The following UTP20 variants were observed in gnomAD, a reference collection of about 807,000 sequenced individuals.
UTP20 encodes UTP20 small subunit processome component, also known as small subunit processome component 20 homolog.
A neutral mutation model predicts 329.5 loss-of-function variants in UTP20; 164 were observed. The ratio of observed to expected loss-of-function variants is 0.50; its 90% CI spans 0.44 to 0.57. UTP20 has a LOEUF of 0.57. Among genes scored for constraint, UTP20 ranks in the 20% least tolerant of loss-of-function variants. UTP20 has a pLI of 0.00. For synonymous variants in UTP20, 1,151 were observed against 1,159.3 expected (o/e 0.99, Z 0.14); for missense variants, 3,055 against 3,284.2 (o/e 0.93, Z 1.71).
At chr12:101,380,886 AT>A (rs1221219575) in intron 57 of UTP20, among the ~76,000 whole-genome samples, 44 of 145,010 alleles carry the variant, frequency 3.0e-4, no homozygotes, top group African/African-American at 9.7e-4. Flanking sequence ...AAAAAAAAAA[AT>A]GTAGAGTATT....
At position 101,370,573 on chromosome 12, in the gene UTP20, C is replaced by T. The variant is rs546648088; in HGVS notation, c.6687+10C>T. Reference sequence around the variant, plus strand: ...CTTTGGTCTTCTGAAGGTATGCTGTCGCCAGAATGTTGACTGTTACGGTTT... The same window carrying T: ...CTTTGGTCTTCTGAAGGTATGCTGTTGCCAGAATGTTGACTGTTACGGTTT... On this transcript the variant is annotated intron_variant, in intron 50 of 61. Coordinates refer to ENST00000261637, the MANE Select transcript of UTP20 (RefSeq NM_014503.3). 1.8e-5 allele frequency: 29 copies of T among 1,609,042 alleles called. No individual in the cohort carries two copies. The Middle Eastern group carries it at 5.0e-4, about 28-fold the overall frequency.
chr12:101,370,939 T>A, intron 50 of UTP20, 119 bp from the exon 51 acceptor site: 1 of 817,618 alleles, frequency 1.2e-6, no homozygotes, highest in Non-Finnish European at 1.9e-6. Context: ...ATCCTTTTTC[T>A]TTTGAAGATA....
intron 12 of UTP20, among the ~76,000 whole-genome samples, 172 bp from the exon 13 acceptor site, chr12:101,299,510 A>C (rs1872458367): frequency 6.6e-6 from 1 of 152,200 alleles, no homozygotes; most frequent in African/African-American, 2.4e-5. Context: ...GAGTTGAAAA[A>C]GCTTCTCACT....
At chr12:101,358,495 C>G (rs895423226) in intron 43 of UTP20, among the ~76,000 whole-genome samples, 1 of 152,212 alleles carries the variant, frequency 6.6e-6, no homozygotes, top group Non-Finnish European at 1.5e-5. Flanking sequence ...TTCCACACTT[C>G]TTTCTAATAT....
At chr12:101,354,030 G>A (rs1209970523) in intron 40 of UTP20, among the ~76,000 whole-genome samples, 2 of 152,044 alleles carry the variant, frequency 1.3e-5, no homozygotes, top group African/African-American at 2.4e-5. Flanking sequence ...GGAGGCCTAC[G>A]CAGGTGGATC....
At chr12:101,282,041 G>A (rs919862357) in intron 2 of UTP20, among the ~76,000 whole-genome samples, 1 of 152,144 alleles carries the variant, frequency 6.6e-6, no homozygotes, top group African/African-American at 2.4e-5. Flanking sequence ...TCTGCATCAT[G>A]TCGTTATTCC....
rs1870372670 is a variant in UTP20 at position 101,373,624 on chromosome 12, C to T, written c.6988C>T (p.Leu2330Phe). Reference protein sequence around the residue: ...HENCGMFFIPLCLMTINDDSA... With the variant: ...HENCGMFFIPFCLMTINDDSA... ...GAACTGCGGAATGTTCTTTATCCCTCTTTGTCTAATGACGATCAATGATGA... is the reference window on the plus strand; with the variant it reads ...GAACTGCGGAATGTTCTTTATCCCTTTTTGTCTAATGACGATCAATGATGA... The change falls in exon 54 of 62, where the codon CTT becomes TTT. Residue 2330 changes from leucine to phenylalanine, a missense_variant. Coordinates refer to ENST00000261637, the MANE Select transcript of UTP20 (RefSeq NM_014503.3). 1 of 1,612,740 alleles carries T rather than the reference C, an allele frequency of 6.2e-7. No homozygotes were observed. Among genetic ancestry groups the T allele is most frequent in the African/African-American group, 1.3e-5 (1 of 74,848 alleles).
chr12:101,306,117 T>C lies in UTP20; in HGVS notation c.1932+52T>C, dbSNP rs775661886. On this transcript the variant is annotated intron_variant, in intron 16 of 61. Transcript: ENST00000261637. ...CTCAGTCTCTCTTCTCCTGTTTCTA[T>C]ATGGACTGCAGTGGTTTTCAGAGCA... 1.4e-5 allele frequency: 22 copies of C among 1,531,386 alleles called. No individual in the cohort carries two copies. In the South Asian group the frequency reaches 2.8e-4, roughly 20 times the overall value. 94.9% of individuals were successfully genotyped at this position (1,531,386 alleles called of 1,614,324 possible).
At chr12:101,282,265 A>T (rs891661326) in intron 2 of UTP20, among the ~76,000 whole-genome samples, 6 of 151,040 alleles carry the variant, frequency 4.0e-5, no homozygotes, top group Non-Finnish European at 8.8e-5. Context: ...TACATTCTTT[A>T]GGGGTGTCAA....
Position 101,344,743 on chromosome 12 carries a change from A to T in UTP20, c.4598A>T (p.Gln1533Leu). 6.2e-7 allele frequency: 1 copy of T among 1,613,666 alleles called. No individual in the cohort carries two copies. Among genetic ancestry groups the T allele is most frequent in the Non-Finnish European group, 8.5e-7 (1 of 1,179,778 alleles). The change falls in exon 36 of 62, where the codon CAG becomes CTG. Residue 1533 changes from glutamine (Q) to leucine (L), a missense_variant. Coordinates refer to ENST00000261637, the MANE Select transcript of UTP20 (RefSeq NM_014503.3). Reference sequence around the variant, plus strand: ...AAATTGAGAAAAGGTCTGAAGAGCCAGACAGAGGTATATAACTTTGTGTTT... The same window carrying T: ...AAATTGAGAAAAGGTCTGAAGAGCCTGACAGAGGTATATAACTTTGTGTTT... Reference protein sequence around the residue: ...LEKLRKGLKSQTESIQQDYTT... With the variant: ...LEKLRKGLKSLTESIQQDYTT...
At position 101,370,439 on chromosome 12, in the gene UTP20, C is replaced by A; in HGVS notation, c.6563C>A (p.Thr2188Asn). 1 of 1,613,212 alleles carries A rather than the reference C, an allele frequency of 6.2e-7. No homozygotes were observed. The highest frequency in any genetic ancestry group is 8.5e-7 in the Non-Finnish European group (1 of 1,179,624). The change falls in exon 50 of 62, where the codon ACC becomes AAC. Residue 2188 changes from threonine to asparagine, a missense_variant. Thr to Asn is a moderately conservative substitution (Grantham distance 65). Transcript: ENST00000261637. The part of the protein sequence containing the change: ...HLVVNCFKCV[T>N]ILVKKVKSYQ... ...CACTATTGTAACTTGCAGTGTGTGA[C>A]CATACTTGTCAAGAAAGTCAAGTCT...
rs754082710 is a variant in UTP20 at position 101,289,011 on chromosome 12, T to C, written c.567T>C (p.Ala189=). The part of the protein sequence containing the change: ...AHKKLHIRNF[A]AESFTFLMRK... ...AAAAACTACATATAAGAAATTTTGC[T>C]GCTGAAAGTTTTACTTTTTTGATGA... Residue 189 remains alanine (A), a synonymous_variant, in exon 6 of 62, where the codon GCT becomes GCC. Transcript: ENST00000261637. The C allele has an allele frequency of 6.2e-7, 1 of 1,613,960 alleles. No homozygotes were observed. Among genetic ancestry groups the C allele is most frequent in the Non-Finnish European group, 8.5e-7 (1 of 1,179,900 alleles).
In UTP20 at chr12:101,344,598, G is replaced by C; in HGVS notation, c.4453G>C (p.Gly1485Arg). Residue 1485 changes from glycine to arginine, a missense_variant, in exon 36 of 62, where the codon GGA becomes CGA. Gly to Arg is a moderately radical substitution (Grantham distance 125). Transcript: ENST00000261637. ...MHNCFYNLEL[G>R]DMSLSDNASM... ...TTTTTATTTCTCTTTTTTGCAGTTA[G>C]GAGATATGAGTTTAAGTGATAATGC... 1.1e-6 allele frequency: 1 copy of C among 949,320 alleles called. No individual in the cohort carries two copies. Among genetic ancestry groups the C allele is most frequent in the South Asian group, 1.3e-5 (1 of 77,708 alleles). 58.8% of individuals were successfully genotyped at this position (949,320 alleles called of 1,614,324 possible). A position where few individuals can be genotyped will look rare whatever the true frequency, so the allele number is the denominator to read the frequency against.
At chr12:101,346,903 A>C (rs756354208) in intron 38 of UTP20, among the ~76,000 whole-genome samples, 24 of 152,204 alleles carry the variant, frequency 1.6e-4, no homozygotes, top group Non-Finnish European at 3.2e-4. Flanking sequence ...TAACTCCCCT[A>C]GTCAGCAGTC....
intron 32 of UTP20, among the ~76,000 whole-genome samples, chr12:101,341,315 A>G (rs1176673671): frequency 2.1e-5 from 2 of 93,330 alleles, no homozygotes; most frequent in African/African-American, 8.1e-5. Context: ...CAGTGGCAAA[A>G]CAGAATAAAA....
Position 101,355,004 on chromosome 12 carries a change from G to A in UTP20, c.5280G>A (p.Lys1760=). The A allele has an allele frequency of 1.2e-6, 2 of 1,614,184 alleles. No individual in the cohort carries two copies. The highest frequency in any genetic ancestry group is 2.2e-5 in the South Asian group (2 of 91,078). ...CTAAAGAATCCGAGTGTATCACAAA[G>A]CCTGTCTCTTTCCTTCCTCAAAACA... ...TSAKESECIT[K]PVSFLPQNKE... Residue 1760 remains lysine, a synonymous_variant, in exon 41 of 62, where the codon AAG becomes AAA. Transcript: ENST00000261637.
intron 21 of UTP20, among the ~76,000 whole-genome samples, chr12:101,315,733 T>TA (rs1872953188): frequency 3.9e-5 from 6 of 152,216 alleles, no homozygotes; most frequent in Admixed American, 3.9e-4. Flanking sequence ...AAATAACACT[T>TA]ATCAGTTTTT....
At chr12:101,364,169 A>T (rs1258978884) in intron 45 of UTP20, among the ~76,000 whole-genome samples, 1 of 152,226 alleles carries the variant, frequency 6.6e-6, no homozygotes, top group Non-Finnish European at 1.5e-5. Context: ...CAATTTGGAA[A>T]GCCAAGGCGG....
At chr12:101,307,275 T>C (rs889276273) in intron 17 of UTP20, among the ~76,000 whole-genome samples, 2 of 145,474 alleles carry the variant, frequency 1.4e-5, no homozygotes, top group African/African-American at 5.2e-5. Context: ...TCGGCAAATA[T>C]TCTTTCAAAC....
Sources: allele counts gnomAD v4.1 joint callset (sites outside exome capture counted in the v4.1 genomes callset), GRCh38; gene constraint gnomAD v4.1.1; transcripts MANE v1.5; gene names NCBI Gene and HGNC (gene_info 2026-07-23, HGNC 2026-07-21).